The following CD5L variants were observed in gnomAD, a reference collection of about 807,000 sequenced individuals.
The protein encoded by CD5L is CD5 antigen-like.
Under a neutral mutation model 40.8 loss-of-function variants are expected in CD5L, and 39 were observed. That is an observed-to-expected ratio of 0.96 (90% CI 0.74 to 1.25). The LOEUF (loss-of-function observed/expected upper bound fraction) is 1.25. Among genes scored for constraint, CD5L ranks in the 50% most tolerant of loss-of-function variants. The probability of loss-of-function intolerance (pLI) is 0.00; values close to 1 mark genes in which losing one functional copy is unlikely to be tolerated. For synonymous variants in CD5L, 192 were observed against 169.6 expected (o/e 1.13, Z -1.03); for missense variants, 433 against 435.9 (o/e 0.99, Z 0.06).
At chr1:157,841,501 G>A (rs1409276209) in intron 1 of CD5L, among the ~76,000 whole-genome samples, 173 bp downstream of exon 1, 3 of 152,218 alleles carry the variant, frequency 2.0e-5, no homozygotes, top group African/African-American at 4.8e-5. Flanking sequence ...TTACAAATGT[G>A]TATGGATTAA....
intron 5 of CD5L, among the ~76,000 whole-genome samples, chr1:157,832,794 T>A (rs1656083107): frequency 1.3e-5 from 2 of 152,140 alleles, no homozygotes; most frequent in Non-Finnish European, 1.5e-5. Context: ...TAAAGATGGT[T>A]TATTATGGTT....
intron 3 of CD5L, 27 bp from the exon 4 acceptor site, chr1:157,834,775 T>C: frequency 6.4e-7 from 1 of 1,565,204 alleles, no homozygotes; most frequent in South Asian, 1.1e-5. Context: ...AGAGCGTGTC[T>C]GTTCTCTGCC....
Position 157,835,827 on chromosome 1 carries a change from A to T in CD5L, c.376+8T>A. ...TGGCAAGTGGTCCGGGACCCCTGCCATACTCACTCTCACACGATGCCCCAG... is the reference window on the plus strand; with the variant it reads ...TGGCAAGTGGTCCGGGACCCCTGCCTTACTCACTCTCACACGATGCCCCAG... On this transcript the variant is annotated splice_region_variant and intron_variant, in intron 3 of 5. Transcript: ENST00000368174. 6.2e-7 allele frequency: 1 copy of T among 1,602,248 alleles called. No homozygotes were observed. The highest frequency in any genetic ancestry group is 1.1e-5 in the South Asian group (1 of 89,174).
chr1:157,833,412 CCA>C lies in CD5L; in HGVS notation c.817_818del (p.Trp273GlyfsTer39). On this transcript the variant is annotated frameshift_variant, in exon 5 of 6. Coordinates refer to ENST00000368174, the MANE Select transcript of CD5L (RefSeq NM_005894.3). LOFTEE classifies it high-confidence loss of function. ...ATACCACCTGGTCCTCCTTTTCTCC[CCA>C]GTTGTCATCACAGACAGAGCCCCAT... is the stretch of plus-strand genomic sequence containing the variant. ...GVWGSVCDDNWGEKEDQVVCK... is the reference protein window; with the variant it reads ...GVWGSVCDDNXGEKEDQVVCK... 6.2e-7 allele frequency: 1 copy of C among 1,614,058 alleles called. No individual in the cohort carries two copies. Among genetic ancestry groups the C allele is most frequent in the Non-Finnish European group, 8.5e-7 (1 of 1,180,030 alleles).
At chr1:157,838,011 C>T (rs1656266971) in intron 2 of CD5L, among the ~76,000 whole-genome samples, 3 of 151,998 alleles carry the variant, frequency 2.0e-5, no homozygotes, top group African/African-American at 7.2e-5. Context: ...CTCCTGACCT[C>T]GTGACCTGCC....
chr1:157,831,206 T>C lies in CD5L; in HGVS notation c.*758A>G. The C allele has an allele frequency of 1.0e-6, 1 of 985,276 alleles. No homozygotes were observed. The highest frequency in any genetic ancestry group is 1.1e-4 in the East Asian group (1 of 8,810). The allele number at this position is 985,276 out of a possible 1,614,324, so 61.0% of individuals were successfully genotyped here. A position where few individuals can be genotyped will look rare whatever the true frequency, so the allele number is the denominator to read the frequency against. ...CCAATATATTTTTCTTTGAATAAAG[T>C]AAAATGTATTTTTGACATTCCTCTC... On this transcript the variant is annotated 3_prime_UTR_variant, in exon 6 of 6. Transcript: ENST00000368174.
intron 1 of CD5L, among the ~76,000 whole-genome samples, chr1:157,840,280 C>T (rs562808268): frequency 6.6e-6 from 1 of 152,062 alleles, no homozygotes; most frequent in Admixed American, 6.6e-5. Flanking sequence ...TATTTGGACT[C>T]CTTTCTCCAT....
chr1:157,834,688 T>C lies in CD5L; in HGVS notation c.437A>G (p.His146Arg), dbSNP rs1179749857. Residue 146 changes from histidine (H) to arginine (R), a missense_variant, in exon 4 of 6, where the codon CAT (histidine) becomes CGT (arginine). Coordinates refer to ENST00000368174, the MANE Select transcript of CD5L (RefSeq NM_005894.3). ...CTTCACTTCCACGCGTCCCTTGCAA[T>C]GCCCAGGGCCGTCAGCCAGCCTGAC... is the stretch of plus-strand genomic sequence containing the variant. ...EGVRLADGPG[H>R]CKGRVEVKHQ... 6.2e-7 allele frequency: 1 copy of C among 1,614,002 alleles called. No homozygotes were observed. The highest frequency in any genetic ancestry group is 8.5e-7 in the Non-Finnish European group (1 of 1,180,024).
intron 1 of CD5L, among the ~76,000 whole-genome samples, 167 bp downstream of exon 1, chr1:157,841,507 A>G (rs1165443953): frequency 1.3e-5 from 2 of 152,240 alleles, no homozygotes; most frequent in Non-Finnish European, 2.9e-5. Context: ...ATGTGTATGG[A>G]TTAAGCGGCT....
chr1:157,831,152 C>A lies in CD5L; in HGVS notation c.*812G>T. ...AACTTTAGCCCTCCCTGATCTCTTT[C>A]TGCCTCTTTCTTGACCTTTTCCCAG... On this transcript the variant is annotated 3_prime_UTR_variant, in exon 6 of 6. Transcript: ENST00000368174. 1 of 985,292 alleles carries A rather than the reference C, an allele frequency of 1.0e-6. No individual in the cohort carries two copies. The highest frequency in any genetic ancestry group is 1.2e-6 in the Non-Finnish European group (1 of 829,790). 61.0% of individuals were successfully genotyped at this position (985,292 alleles called of 1,614,324 possible).
chr1:157,829,527 C>A (rs1469105994), downstream of CD5L, among the ~76,000 whole-genome samples: 1 of 152,106 alleles, frequency 6.6e-6, no homozygotes, highest in African/African-American at 2.4e-5. Context: ...ACAACCAGGG[C>A]CACTCAAAAG....
chr1:157,833,242 C>A lies in CD5L; in HGVS notation c.989G>T (p.Trp330Leu), dbSNP rs546368632. The A allele has an allele frequency of 6.2e-7, 1 of 1,614,192 alleles. No homozygotes were observed. The highest frequency in any genetic ancestry group is 1.3e-5 in the African/African-American group (1 of 75,036). ...CTGGTGGGTGCAGTCGTGAAACCCC[C>A]AAAATCTGTGCTGGCACTGCTCCAG... ...QSLEQCQHRF[W>L]GFHDCTHQED... Residue 330 changes from tryptophan to leucine, a missense_variant, in exon 5 of 6, where the codon TGG (tryptophan) becomes TTG (leucine). Trp to Leu is a moderately conservative substitution (Grantham distance 61, BLOSUM62 -2). Transcript: ENST00000368174.
intron 2 of CD5L, among the ~76,000 whole-genome samples, chr1:157,837,127 C>T (rs996261593): frequency 6.6e-6 from 1 of 151,896 alleles, no homozygotes; most frequent in Admixed American, 6.6e-5. Flanking sequence ...CAAATATTAG[C>T]CAGAAATCGC....
Position 157,836,112 on chromosome 1 carries a change from AC to A in CD5L, c.98del (p.Cys33LeufsTer121). 1 of 1,613,710 alleles carries A rather than the reference AC, an allele frequency of 6.2e-7. No individual in the cohort carries two copies. ...TCTGTTCCACCTCCACCCGCCCTTC[AC>A]AGCGGTGGAGGCCCCCCACCAGCCG... ...GVRLVGGLHR[C>X]EGRVEVEQKG... On this transcript the variant is annotated frameshift_variant, in exon 3 of 6. Transcript: ENST00000368174. LOFTEE classifies it high-confidence loss of function.
intron 2 of CD5L, among the ~76,000 whole-genome samples, chr1:157,838,405 G>A (rs1237083363): frequency 6.6e-6 from 1 of 152,090 alleles, no homozygotes; most frequent in Non-Finnish European, 1.5e-5. Flanking sequence ...TTAGAGTTTG[G>A]ATTGGCATTA....
At chr1:157,832,473 A>G (rs1158251706) in intron 5 of CD5L, among the ~76,000 whole-genome samples, 1 of 152,166 alleles carries the variant, frequency 6.6e-6, no homozygotes, top group East Asian at 1.9e-4. Context: ...TGATTACACA[A>G]TGGGGCTTCA....
chr1:157,830,902 G>A (rs965201538), downstream of CD5L: 12 of 971,362 alleles, frequency 1.2e-5, no homozygotes, highest in South Asian at 3.8e-4. Flanking sequence ...ATATCACACA[G>A]AGAGGCAATT....
At chr1:157,838,711 A>G (rs1656285822) in intron 2 of CD5L, among the ~76,000 whole-genome samples, 1 of 152,194 alleles carries the variant, frequency 6.6e-6, no homozygotes, top group African/African-American at 2.4e-5. Flanking sequence ...GGTTGCATCT[A>G]TCAGGGTATA....
At position 157,839,516 on chromosome 1, in the gene CD5L, T is replaced by C. The variant is rs894031810; in HGVS notation, c.29-106A>G. ...AACTGTGTGAGACAAGAGTGGTAGATGCAGAGCCTCCAATGTCAGTCCTGT... is the reference window on the plus strand; with the variant it reads ...AACTGTGTGAGACAAGAGTGGTAGACGCAGAGCCTCCAATGTCAGTCCTGT... On this transcript the variant is annotated intron_variant, in intron 1 of 5. Transcript: ENST00000368174. 28 of 1,169,518 alleles carry C rather than the reference T, an allele frequency of 2.4e-5. No individual in the cohort carries two copies. The South Asian group carries it at 3.2e-4, about 13-fold the overall frequency. 72.4% of individuals were successfully genotyped at this position (1,169,518 alleles called of 1,614,324 possible).
Sources: gnomAD v4.1 joint callset for allele counts (sites outside exome capture counted in the v4.1 genomes callset) on GRCh38, gnomAD v4.1.1 for gene constraint, MANE v1.5 for transcripts, NCBI Gene and HGNC (gene_info 2026-07-23, HGNC 2026-07-21) for gene names.